Variants in FAM117A observed in about 807,000 individuals in gnomAD.
The protein encoded by FAM117A is protein FAM117A.
FAM117A carries 21 observed loss-of-function variants against 44.1 expected under a neutral mutation model. That is an observed-to-expected ratio of 0.48 (90% CI 0.34 to 0.69). FAM117A has a LOEUF of 0.69. Ranked by LOEUF, FAM117A falls within the 30% of genes least tolerant of loss-of-function variation. The pLI, the probability that FAM117A is intolerant of heterozygous loss-of-function variation, is 0.01. For missense variants in FAM117A, 498 were observed against 589.9 expected (o/e 0.84, Z 1.61); for synonymous variants, 220 against 238.3 (o/e 0.92, Z 0.71).
chr17:49,722,547 A>C lies in FAM117A; in HGVS notation c.414T>G (p.Cys138Trp). The change falls in exon 3 of 8, where the codon TGT (cysteine) becomes TGG (tryptophan). Residue 138 changes from cysteine (C) to tryptophan (W), a missense_variant. Physicochemically the swap from Cys to Trp is radical, Grantham distance 215. Coordinates refer to ENST00000240364, the MANE Select transcript of FAM117A (RefSeq NM_030802.4). ...QELEGERASS[C>W]AHKRSASWGS... ...CCCAGGATGCTGAGCGCTTGTGTGC[A>C]CAGGAACTGGCACGCTCACCTTCTA... is the stretch of plus-strand genomic sequence containing the variant. 6.2e-7 allele frequency: 1 copy of C among 1,614,062 alleles called. No individual in the cohort carries two copies. The highest frequency in any genetic ancestry group is 1.1e-5 in the South Asian group (1 of 91,056).
At chr17:49,785,237 G>A (rs1040878248) in intron 1 of FAM117A, among the ~76,000 whole-genome samples, 4 of 152,180 alleles carry the variant, frequency 2.6e-5, no homozygotes, top group Non-Finnish European at 5.9e-5. Context: ...GTCCAAGGCC[G>A]GGCATGGCTC....
Position 49,764,014 on chromosome 17 carries a change from CGG to C in FAM117A, c.72_73del (p.Arg25AlafsTer55). The C allele has an allele frequency of 8.3e-7, 1 of 1,202,626 alleles. No individual in the cohort carries two copies. Among genetic ancestry groups the C allele is most frequent in the Non-Finnish European group, 1.0e-6 (1 of 964,736 alleles). The allele number at this position is 1,202,626 out of a possible 1,614,324, so 74.5% of individuals were successfully genotyped here. The stretch of plus-strand genomic sequence containing the variant: ...GGGGGCTGGGGGAGAGCAGCCCCGC[CGG>C]AGCCCCCCGGCCCCTCCGCGCCCCG... On this transcript the variant is annotated frameshift_variant, in exon 1 of 8. Coordinates refer to ENST00000240364, the MANE Select transcript of FAM117A (RefSeq NM_030802.4). LOFTEE classifies it high-confidence loss of function.
intron 1 of FAM117A, among the ~76,000 whole-genome samples, chr17:49,760,787 G>A (rs941984490): frequency 6.6e-6 from 1 of 152,212 alleles, no homozygotes; most frequent in African/African-American, 2.4e-5. Flanking sequence ...TCCTGGAAGA[G>A]TATAAAAGTC....
At chr17:49,732,370 A>T in intron 2 of FAM117A, 181 bp downstream of exon 2, 1 of 556,280 alleles carries the variant, frequency 1.8e-6, no homozygotes, top group Non-Finnish European at 3.1e-6. Flanking sequence ...GCACCACTGC[A>T]CTCCAGCCTG....
At position 49,719,808 on chromosome 17, in the gene FAM117A, C is replaced by T; in HGVS notation, c.660G>A (p.Glu220=). The T allele has an allele frequency of 6.2e-7, 1 of 1,605,680 alleles. No homozygotes were observed. The highest frequency in any genetic ancestry group is 1.1e-5 in the South Asian group (1 of 89,846). ...GCTCCTTCACAAATACCTCCTCCAG[C>T]TCTTGGTTGAGCCCTTCCAGGCTCC... The part of the protein sequence containing the change: ...LHRSLEGLNQ[E]LEEVFVKEQG... The change falls in exon 5 of 8, where the codon GAG becomes GAA. Residue 220 remains glutamate, a synonymous_variant. Transcript: ENST00000240364.
chr17:49,711,615 G>A (rs985041638), intron 7 of FAM117A, 60 bp from the exon 8 acceptor site: 9 of 1,487,492 alleles, frequency 6.1e-6, no homozygotes, highest in African/African-American at 4.2e-5. Context: ...AACAGACAGC[G>A]AGAGAGGGTG....
At chr17:49,773,592 T>TC in intron 1 of FAM117A, 1 of 152,240 alleles carries the variant, frequency 6.6e-6, no homozygotes, top group East Asian at 1.9e-4. Flanking sequence ...CAATGAGATA[T>TC]CACCCTGCCC....
chr17:49,732,723 G>T lies in FAM117A; in HGVS notation c.197-3C>A, dbSNP rs1461293434. 6 of 1,612,088 alleles carry T rather than the reference G, an allele frequency of 3.7e-6. No homozygotes were observed. Among genetic ancestry groups the T allele is most frequent in the Non-Finnish European group, 5.1e-6 (6 of 1,179,150 alleles). On this transcript the variant is annotated splice_region_variant and splice_polypyrimidine_tract_variant and intron_variant, in intron 1 of 7. Transcript: ENST00000240364. The stretch of plus-strand genomic sequence containing the variant: ...GGCCACCGAGCATGGGACGCTGGCT[G>T]CAAGAGAACACAGCCCGCACGCCTT...
At chr17:49,729,564 T>C (rs1013470410) in intron 2 of FAM117A, among the ~76,000 whole-genome samples, 1 of 142,980 alleles carries the variant, frequency 7.0e-6, no homozygotes, top group African/African-American at 2.6e-5. Flanking sequence ...TGGAGTGCAG[T>C]GGCATGATCT....
At chr17:49,722,442 A>G in intron 3 of FAM117A, 57 bp downstream of exon 3, 1 of 1,388,754 alleles carries the variant, frequency 7.2e-7, no homozygotes, top group Non-Finnish European at 1.0e-6. Context: ...ATTGCATGGT[A>G]CTAGGGGATC....
intron 2 of FAM117A, among the ~76,000 whole-genome samples, chr17:49,731,741 G>A (rs1468718935): frequency 6.6e-6 from 1 of 152,152 alleles, no homozygotes; most frequent in Non-Finnish European, 1.5e-5. Flanking sequence ...AAACTCAATA[G>A]AATGTTGGCC....
intron 1 of FAM117A, chr17:49,788,474 C>A: frequency 3.8e-6 from 1 of 263,730 alleles, no homozygotes; most frequent in Non-Finnish European, 7.2e-6. Flanking sequence ...TGGCTACCCA[C>A]GCCCACAAAC....
intron 1 of FAM117A, among the ~76,000 whole-genome samples, chr17:49,763,081 A>C (rs1204866745): frequency 1.3e-5 from 2 of 151,728 alleles, no homozygotes; most frequent in Non-Finnish European, 2.9e-5. Flanking sequence ...GAGGGAGTAG[A>C]AAGAAAGGTA....
intron 2 of FAM117A, among the ~76,000 whole-genome samples, chr17:49,723,137 C>T (rs1046480818): frequency 6.6e-6 from 1 of 152,140 alleles, no homozygotes; most frequent in Non-Finnish European, 1.5e-5. Context: ...TGGTGCAGTG[C>T]TTCATTTTTC....
intron 7 of FAM117A, among the ~76,000 whole-genome samples, chr17:49,715,709 T>G (rs925097921): frequency 1.3e-5 from 2 of 152,212 alleles, no homozygotes; most frequent in African/African-American, 4.8e-5. Flanking sequence ...GCTCAAACTG[T>G]TAAGCTGTTT....
chr17:49,788,925 T>C, upstream of FAM117A: 5 of 1,376,466 alleles, frequency 3.6e-6, no homozygotes, highest in Non-Finnish European at 4.9e-6. Context: ...TGGCCACGCC[T>C]CACAGTGCTT....
At chr17:49,780,178 A>T (rs2073785638) in intron 1 of FAM117A, among the ~76,000 whole-genome samples, 1 of 152,210 alleles carries the variant, frequency 6.6e-6, no homozygotes, top group African/African-American at 2.4e-5. Context: ...ACATGTATAA[A>T]TGACTCAGAG....
chr17:49,735,984 A>T (rs2073608600), intron 1 of FAM117A, among the ~76,000 whole-genome samples: 1 of 152,084 alleles, frequency 6.6e-6, no homozygotes, highest in African/African-American at 2.4e-5. Flanking sequence ...GAAATATATA[A>T]ATATAAACAA....
At chr17:49,781,371 G>GT (rs2073789046) in intron 1 of FAM117A, among the ~76,000 whole-genome samples, 3 of 152,308 alleles carry the variant, frequency 2.0e-5, no homozygotes, top group Admixed American at 2.0e-4. Flanking sequence ...TTAAAAAGTG[G>GT]TAACACTTAG....
Sources: gnomAD v4.1 joint callset for allele counts (sites outside exome capture counted in the v4.1 genomes callset) on GRCh38, gnomAD v4.1.1 for gene constraint, MANE v1.5 for transcripts, NCBI Gene and HGNC (gene_info 2026-07-23, HGNC 2026-07-21) for gene names.